The following MAP4K5 variants were observed in gnomAD, a reference collection of about 807,000 sequenced individuals.
MAP4K5 encodes the protein MAPK/ERK kinase kinase kinase 5.
Under a neutral mutation model 135.6 loss-of-function variants are expected in MAP4K5, and 82 were observed. That is an observed-to-expected ratio of 0.60 (90% CI 0.51 to 0.73). The LOEUF (loss-of-function observed/expected upper bound fraction) is 0.73, where lower values mean the gene tolerates loss of function less well. Ranked by LOEUF, MAP4K5 falls within the 30% of genes least tolerant of loss-of-function variation. The pLI is 0.00. For missense variants in MAP4K5, 907 were observed against 1,010.9 expected (o/e 0.90, Z 1.39); for synonymous variants, 347 against 335.0 (o/e 1.04, Z -0.39).
At chr14:50,546,024 T>G (rs2038626831) in intron 1 of MAP4K5, among the ~76,000 whole-genome samples, 1 of 152,202 alleles carries the variant, frequency 6.6e-6, no homozygotes, top group Non-Finnish European at 1.5e-5. Context: ...GAAATCAAAC[T>G]CACTGTTTAT....
At chr14:50,453,046 G>A (rs1301278739) in intron 14 of MAP4K5, among the ~76,000 whole-genome samples, 1 of 152,154 alleles carries the variant, frequency 6.6e-6, no homozygotes, top group African/African-American at 2.4e-5. Context: ...TACCTGTAGA[G>A]TCCCTATTCT....
chr14:50,553,019 G>A (rs766182271), intron 1 of MAP4K5, among the ~76,000 whole-genome samples: 13 of 152,110 alleles, frequency 8.5e-5, no homozygotes, highest in Non-Finnish European at 1.6e-4. Flanking sequence ...ATGGGGCCAG[G>A]CATGGTGGCT....
rs540627830 is a variant in MAP4K5 at position 50,476,187 on chromosome 14, A to C, written c.427-17T>G. 1.3e-6 allele frequency: 2 copies of C among 1,490,780 alleles called. No individual in the cohort carries two copies. Among genetic ancestry groups the C allele is most frequent in the Non-Finnish European group, 1.8e-6 (2 of 1,104,760 alleles). 92.3% of individuals were successfully genotyped at this position (1,490,780 alleles called of 1,614,324 possible). A position where few individuals can be genotyped will look rare whatever the true frequency, so the allele number is the denominator to read the frequency against. On this transcript the variant is annotated splice_polypyrimidine_tract_variant and intron_variant, in intron 7 of 32. Coordinates refer to ENST00000682126, the MANE Select transcript of MAP4K5 (RefSeq NM_006575.6). ...ATTAGCACCCTAGAACAAAAATACA[A>C]ATACAATTAAATTAGCATCATAAAA...
At chr14:50,475,742 T>C (rs2037082402) in intron 8 of MAP4K5, among the ~76,000 whole-genome samples, 1 of 152,190 alleles carries the variant, frequency 6.6e-6, no homozygotes, top group Non-Finnish European at 1.5e-5. Context: ...AAACACGTGG[T>C]TGTAAAATAC....
intron 2 of MAP4K5, among the ~76,000 whole-genome samples, chr14:50,521,472 T>TAG (rs2038150467): frequency 6.6e-6 from 1 of 152,178 alleles, no homozygotes; most frequent in Non-Finnish European, 1.5e-5. Flanking sequence ...TACAGTGCCA[T>TAG]CTACTAACAG....
chr14:50,429,159 T>C (rs764636517), intron 29 of MAP4K5, 33 bp downstream of exon 29: 3 of 1,236,458 alleles, frequency 2.4e-6, no homozygotes, highest in Non-Finnish European at 3.4e-6. Context: ...TATCAAGTAG[T>C]ATACTCAAAA....
At chr14:50,527,533 A>G (rs999330019) in intron 2 of MAP4K5, among the ~76,000 whole-genome samples, 9 of 152,306 alleles carry the variant, frequency 5.9e-5, no homozygotes, top group African/African-American at 2.2e-4. Context: ...TATAAAAGCC[A>G]TTTTGGAAAT....
At chr14:50,519,473 G>A (rs1024431975) in intron 2 of MAP4K5, among the ~76,000 whole-genome samples, 14 of 151,900 alleles carry the variant, frequency 9.2e-5, no homozygotes, top group African/African-American at 2.7e-4. Context: ...TGGCCAACAC[G>A]GTGAAACCCT....
At chr14:50,550,955 CA>C (rs1485997716) in intron 1 of MAP4K5, among the ~76,000 whole-genome samples, 2 of 151,878 alleles carry the variant, frequency 1.3e-5, no homozygotes, top group Admixed American at 1.3e-4. Flanking sequence ...TGAAAGAGCA[CA>C]AATAGACAAC....
At chr14:50,447,568 T>C (rs2036383880) in intron 15 of MAP4K5, 87 bp from the exon 16 acceptor site, 1 of 710,038 alleles carries the variant, frequency 1.4e-6, no homozygotes, top group Admixed American at 3.2e-5. Context: ...TCCAGTGTCA[T>C]GATTATTAAT....
intron 1 of MAP4K5, 112 bp from the exon 2 acceptor site, chr14:50,532,270 G>A (rs1375285776): frequency 4.1e-6 from 2 of 488,548 alleles, no homozygotes; most frequent in East Asian, 3.7e-5. Flanking sequence ...CCGTGGAAGA[G>A]AAAGGGGCCT....
chr14:50,482,406 T>A lies in MAP4K5; in HGVS notation c.333A>T (p.Pro111=). The A allele has an allele frequency of 6.5e-7, 1 of 1,528,698 alleles. No homozygotes were observed. The highest frequency in any genetic ancestry group is 1.4e-5 in the African/African-American group (1 of 71,210). 94.7% of individuals were successfully genotyped at this position (1,528,698 alleles called of 1,614,324 possible). Residue 111 remains proline (P), a synonymous_variant, in exon 6 of 33, where the codon CCA becomes CCT. Transcript: ENST00000682126. The part of the protein sequence containing the change: ...SLQDIYHVTG[P]LSELQIAYVC... ...CATAGGCTATTTGCAATTCTGATAA[T>A]GGTCCAGTAACTAGAAAGAAAAAGA...
At chr14:50,514,188 G>C (rs896497097) in intron 2 of MAP4K5, among the ~76,000 whole-genome samples, 4 of 151,768 alleles carry the variant, frequency 2.6e-5, no homozygotes, top group Non-Finnish European at 4.4e-5. Context: ...AGCAATTCTC[G>C]TGCCTCAGCC....
chr14:50,531,814 C>G, intron 2 of MAP4K5, 128 bp downstream of exon 2: 1 of 749,976 alleles, frequency 1.3e-6, no homozygotes, highest in Admixed American at 2.1e-5. Flanking sequence ...AAAAGGGACC[C>G]CGGCCGCTTT....
chr14:50,523,482 T>C (rs2038194063), intron 2 of MAP4K5, among the ~76,000 whole-genome samples: 1 of 152,086 alleles, frequency 6.6e-6, no homozygotes, highest in Admixed American at 6.6e-5. Flanking sequence ...GATTTAAGAC[T>C]TCCTTTGATT....
chr14:50,446,642 C>A (rs914845456), intron 16 of MAP4K5, among the ~76,000 whole-genome samples: 1 of 152,124 alleles, frequency 6.6e-6, no homozygotes, highest in Admixed American at 6.5e-5. Context: ...ATCAATTAGG[C>A]GGCTTTCAGG....
chr14:50,524,615 C>T (rs894592786), intron 2 of MAP4K5, among the ~76,000 whole-genome samples: 3 of 151,812 alleles, frequency 2.0e-5, no homozygotes, highest in Non-Finnish European at 4.4e-5. Context: ...AAAGCCCCCC[C>T]ACCGAGAAAT....
intron 3 of MAP4K5, among the ~76,000 whole-genome samples, chr14:50,492,591 C>CAAA (rs11312204): frequency 8.2e-6 from 1 of 121,798 alleles, no homozygotes; most frequent in Non-Finnish European, 1.8e-5. Context: ...GACCCCATCT[C>CAAA]AAAAAAAAAA....
chr14:50,486,869 C>T (rs1232082340), intron 3 of MAP4K5, among the ~76,000 whole-genome samples: 5 of 152,006 alleles, frequency 3.3e-5, no homozygotes, highest in African/African-American at 1.2e-4. Context: ...AGTGAGCCTC[C>T]CTCTCCCAAC....
Sources: allele counts gnomAD v4.1 joint callset (sites outside exome capture counted in the v4.1 genomes callset), GRCh38; gene constraint gnomAD v4.1.1; transcripts MANE v1.5; gene names NCBI Gene and HGNC (gene_info 2026-07-23, HGNC 2026-07-21).